Variants in NAALADL2 observed in about 807,000 individuals in gnomAD.
NAALADL2 encodes the protein inactive N-acetylated-alpha-linked acidic dipeptidase-like protein 2.
In NAALADL2, 76 loss-of-function variants were observed where a neutral mutation model predicts 87.2. The ratio of observed to expected loss-of-function variants is 0.87; its 90% CI spans 0.72 to 1.05. The LOEUF (loss-of-function observed/expected upper bound fraction) is 1.05. NAALADL2 is among the 50% of genes least tolerant of loss of function. The pLI is 0.00. For missense variants in NAALADL2, 1,089 were observed against 945.8 expected (o/e 1.15, Z -1.99); for synonymous variants, 354 against 331.0 (o/e 1.07, Z -0.75).
chr3:175,185,885 CTT>C (rs544292101), intron 2 of NAALADL2, among the ~76,000 whole-genome samples: 2 of 151,552 alleles, frequency 1.3e-5, no homozygotes, highest in Non-Finnish European at 3.0e-5. Context: ...CTCTATTTTA[CTT>C]TCATCATTCT....
intron 9 of NAALADL2, among the ~76,000 whole-genome samples, chr3:175,492,238 T>A (rs747510009): frequency 3.3e-5 from 5 of 152,204 alleles, no homozygotes; most frequent in Non-Finnish European, 7.3e-5. Context: ...CCACAACTCC[T>A]TTTAGTTCAG....
intron 2 of NAALADL2, among the ~76,000 whole-genome samples, chr3:175,216,566 G>A (rs892172048): frequency 6.6e-6 from 1 of 151,818 alleles, no homozygotes; most frequent in Admixed American, 6.6e-5. Context: ...GGGGATGGAG[G>A]TCTTTAGTGA....
At chr3:175,568,509 A>T (rs1717571584) in intron 9 of NAALADL2, among the ~76,000 whole-genome samples, 1 of 152,198 alleles carries the variant, frequency 6.6e-6, no homozygotes, top group Admixed American at 6.5e-5. Flanking sequence ...AGCTGGATAT[A>T]TCAATATAGT....
upstream of NAALADL2, among the ~76,000 whole-genome samples, chr3:174,855,085 C>T (rs140515725): frequency 5.0e-3 from 760 of 152,092 alleles, 9 homozygotes; most frequent in Middle Eastern, 0.021. Flanking sequence ...GTGATCCGCC[C>T]GCCTTGGCCT....
At chr3:175,630,961 T>C (rs1411068375) in intron 11 of NAALADL2, among the ~76,000 whole-genome samples, 1 of 151,538 alleles carries the variant, frequency 6.6e-6, no homozygotes, top group Non-Finnish European at 1.5e-5. Flanking sequence ...ATTCTGAAGA[T>C]ACTATTTTTT....
At chr3:175,670,422 TAA>T (rs1733789998) in intron 11 of NAALADL2, among the ~76,000 whole-genome samples, 2 of 145,936 alleles carry the variant, frequency 1.4e-5, no homozygotes, top group Admixed American at 6.8e-5. Context: ...AATGTAAATT[TAA>T]TATATTTATA....
At chr3:175,308,333 GT>G (rs141600330) in intron 4 of NAALADL2, among the ~76,000 whole-genome samples, 3,443 of 152,216 alleles carry the variant, frequency 0.023, 66 homozygotes, top group Non-Finnish European at 0.038. Flanking sequence ...CTAAGTATCT[GT>G]TTTCATCATT....
chr3:175,089,030 A>G (rs888496126), intron 1 of NAALADL2, among the ~76,000 whole-genome samples: 1 of 151,960 alleles, frequency 6.6e-6, no homozygotes, highest in Non-Finnish European at 1.5e-5. Context: ...AGGAGAAAAA[A>G]AAAATTGTAA....
At chr3:175,563,127 T>G (rs1324900363) in intron 9 of NAALADL2, among the ~76,000 whole-genome samples, 1 of 152,154 alleles carries the variant, frequency 6.6e-6, no homozygotes, top group Non-Finnish European at 1.5e-5. Context: ...ACATATTCCC[T>G]TTTCACATTT....
chr3:175,286,650 GC>G (rs1375381249), intron 4 of NAALADL2, among the ~76,000 whole-genome samples: 1 of 151,946 alleles, frequency 6.6e-6, no homozygotes, highest in Non-Finnish European at 1.5e-5. Context: ...CTGTAATAAG[GC>G]CATACCTTTT....
chr3:175,413,032 C>T (rs970206512), intron 5 of NAALADL2, among the ~76,000 whole-genome samples: 1 of 149,928 alleles, frequency 6.7e-6, no homozygotes, highest in African/African-American at 2.4e-5. Context: ...CATTCTCCTG[C>T]CTCAGCTTCC....
At chr3:175,219,635 A>G (rs1333042846) in intron 2 of NAALADL2, among the ~76,000 whole-genome samples, 1 of 152,032 alleles carries the variant, frequency 6.6e-6, no homozygotes, top group Non-Finnish European at 1.5e-5. Flanking sequence ...GTTTACCTTT[A>G]TAATTTAGTT....
intron 1 of NAALADL2, among the ~76,000 whole-genome samples, chr3:175,019,775 C>A (rs559296055): frequency 6.6e-6 from 1 of 152,122 alleles, no homozygotes; most frequent in South Asian, 2.1e-4. Flanking sequence ...GTATATTATG[C>A]CGTATCAAAT....
intron 5 of NAALADL2, among the ~76,000 whole-genome samples, chr3:175,430,576 T>C (rs1205153848): frequency 1.3e-5 from 2 of 152,038 alleles, no homozygotes; most frequent in African/African-American, 2.4e-5. Context: ...GTTATCTTCA[T>C]ATTTACATCT....
chr3:175,121,203 G>A (rs1262382781), intron 2 of NAALADL2, among the ~76,000 whole-genome samples: 5 of 151,850 alleles, frequency 3.3e-5, no homozygotes, highest in East Asian at 1.9e-4. Context: ...CTGGCCAAAC[G>A]GCCATACAGA....
At chr3:174,798,184 C>T (rs1186535623) in intron 3 of NAALADL2, among the ~76,000 whole-genome samples, 1 of 152,196 alleles carries the variant, frequency 6.6e-6, no homozygotes, top group African/African-American at 2.4e-5. Flanking sequence ...TTTCTGAACT[C>T]TCAATTCCAT....
intron 3 of NAALADL2, among the ~76,000 whole-genome samples, chr3:174,777,328 CAAAT>C (rs1456336792): frequency 2.6e-5 from 4 of 152,032 alleles, no homozygotes; most frequent in East Asian, 1.9e-4. Flanking sequence ...TGTTCTAACA[CAAAT>C]AAAGTCATGA....
chr3:175,258,119 C>T (rs568240532), intron 4 of NAALADL2, among the ~76,000 whole-genome samples: 92 of 151,934 alleles, frequency 6.1e-4, no homozygotes, highest in Non-Finnish European at 8.4e-4. Flanking sequence ...CCATCTTGGC[C>T]AACATGGTGA....
chr3:175,372,487 C>G (rs529997008), intron 5 of NAALADL2, among the ~76,000 whole-genome samples: 2 of 152,134 alleles, frequency 1.3e-5, no homozygotes, highest in Non-Finnish European at 2.9e-5. Context: ...AGATATTAGA[C>G]CCAAGCTCTC....
Sources: allele counts gnomAD v4.1 joint callset (sites outside exome capture counted in the v4.1 genomes callset), GRCh38; gene constraint gnomAD v4.1.1; transcripts MANE v1.5; gene names NCBI Gene and HGNC (gene_info 2026-07-23, HGNC 2026-07-21).